Variants in METTL25 observed in about 807,000 individuals in gnomAD.
The protein encoded by METTL25 is methyltransferase like 25.
In METTL25, 64 loss-of-function variants were observed where a neutral mutation model predicts 71.6. The ratio of observed to expected loss-of-function variants is 0.89; its 90% CI spans 0.73 to 1.10. The LOEUF is 1.10. METTL25 is among the 50% of genes least tolerant of loss of function. METTL25 has a pLI of 0.00. For missense variants in METTL25, 807 were observed against 707.0 expected, an observed-to-expected ratio of 1.14 and a Z score of -1.60; for synonymous variants, 287 against 250.3, an observed-to-expected ratio of 1.15 and a Z score of -1.38.
chr12:82,431,714 T>C (rs528969891), intron 6 of METTL25, among the ~76,000 whole-genome samples: 4 of 151,744 alleles, frequency 2.6e-5, no homozygotes, highest in East Asian at 1.9e-4. Flanking sequence ...GCTCAGCTTA[T>C]GATGGGGTTA....
intron 1 of METTL25, among the ~76,000 whole-genome samples, chr12:82,370,124 G>C (rs530761055): frequency 6.6e-6 from 1 of 152,298 alleles, no homozygotes; most frequent in East Asian, 1.9e-4. Context: ...CTGCTGGATA[G>C]GGGTGAAGAA....
chr12:82,364,297 T>G (rs1043920654), intron 1 of METTL25, among the ~76,000 whole-genome samples: 1 of 152,264 alleles, frequency 6.6e-6, no homozygotes, highest in Non-Finnish European at 1.5e-5. Context: ...TTCGCATAGG[T>G]GGCCATAATA....
chr12:82,461,783 G>A (rs1891895343), intron 9 of METTL25, among the ~76,000 whole-genome samples: 1 of 152,132 alleles, frequency 6.6e-6, no homozygotes, highest in South Asian at 2.1e-4. Context: ...TTTAACTCAT[G>A]AAAGTCTGGC....
intron 1 of METTL25, among the ~76,000 whole-genome samples, chr12:82,379,852 T>C (rs1297900352): frequency 6.6e-6 from 1 of 152,180 alleles, no homozygotes; most frequent in East Asian, 1.9e-4. Context: ...TCCTTAGTCA[T>C]GCCTTCATTC....
intron 8 of METTL25, among the ~76,000 whole-genome samples, chr12:82,451,991 T>G (rs1361748564): frequency 6.6e-6 from 1 of 152,148 alleles, no homozygotes; most frequent in African/African-American, 2.4e-5. Flanking sequence ...TGACAGAAGT[T>G]TCTGTGCCCA....
chr12:82,414,908 A>G (rs1249452401), intron 5 of METTL25, among the ~76,000 whole-genome samples: 1 of 152,126 alleles, frequency 6.6e-6, no homozygotes, highest in Non-Finnish European at 1.5e-5. Context: ...ATCTGACACA[A>G]TGTGTGAAAT....
In METTL25 at chr12:82,358,822, C is replaced by G; in HGVS notation, c.257C>G (p.Ala86Gly). Reference sequence around the variant, plus strand: ...CCCCTAGTGGAAGCAGAGTGGGAAGCAGGTGGGTGGTGGGGTAGGCGGGGC... The same window carrying G: ...CCCCTAGTGGAAGCAGAGTGGGAAGGAGGTGGGTGGTGGGGTAGGCGGGGC... ...TRPLVEAEWE[A>G]GMTDFPKIFC... The change falls in exon 1 of 12, where the codon GCA (alanine) becomes GGA (glycine). Residue 86 changes from alanine to glycine, a missense_variant and splice_region_variant. Transcript: ENST00000248306. The G allele has an allele frequency of 6.2e-7, 1 of 1,609,584 alleles. No individual in the cohort carries two copies. Among genetic ancestry groups the G allele is most frequent in the Non-Finnish European group, 8.5e-7 (1 of 1,177,280 alleles).
chr12:82,402,455 T>A (rs191884031), intron 4 of METTL25, among the ~76,000 whole-genome samples: 108 of 152,242 alleles, frequency 7.1e-4, no homozygotes, highest in African/African-American at 2.6e-3. Flanking sequence ...TTTGTCTAGT[T>A]GTTAAGCAAA....
chr12:82,450,012 T>A (rs936517670), intron 8 of METTL25, among the ~76,000 whole-genome samples: 1 of 152,146 alleles, frequency 6.6e-6, no homozygotes, highest in Non-Finnish European at 1.5e-5. Context: ...TCAGTCCTCT[T>A]CTTACTTTGC....
intron 5 of METTL25, among the ~76,000 whole-genome samples, chr12:82,426,256 T>A (rs1889000687): frequency 2.6e-5 from 4 of 152,048 alleles, no homozygotes. Flanking sequence ...TTAACTCCAT[T>A]AGATAAAGAG....
At chr12:82,471,772 CAGT>C (rs1310301455) in intron 9 of METTL25, among the ~76,000 whole-genome samples, 8 of 152,132 alleles carry the variant, frequency 5.3e-5, no homozygotes, top group African/African-American at 1.9e-4. Flanking sequence ...AGTGTTTTCT[CAGT>C]AGATTTCATA....
chr12:82,470,086 A>C lies in METTL25; in HGVS notation c.1573-6558A>C, dbSNP rs190614341. On this transcript the variant is annotated intron_variant, in intron 9 of 11. Transcript: ENST00000248306. The stretch of plus-strand genomic sequence containing the variant: ...CAAAGACAATAATCACTGACAATGT[A>C]GGAAATGACTTCTATCTTGGCCACC... Among the ~76,000 whole-genome samples the C allele has an allele frequency of 9.8e-5, 15 of 152,338 alleles. No homozygotes were observed. In the East Asian group the frequency reaches 2.9e-3, roughly 29 times the overall value.
intron 1 of METTL25, among the ~76,000 whole-genome samples, chr12:82,385,903 T>C (rs943998104): frequency 2.0e-5 from 3 of 152,172 alleles, no homozygotes; most frequent in Non-Finnish European, 2.9e-5. Flanking sequence ...TCTGACACTC[T>C]TAAAACTTCT....
intron 9 of METTL25, among the ~76,000 whole-genome samples, chr12:82,458,203 C>T (rs1891627458): frequency 6.6e-6 from 1 of 152,092 alleles, no homozygotes; most frequent in African/African-American, 2.4e-5. Flanking sequence ...AACACTTACT[C>T]TGTGATAGAT....
At chr12:82,465,363 T>C (rs1408199798) in intron 9 of METTL25, among the ~76,000 whole-genome samples, 1 of 151,942 alleles carries the variant, frequency 6.6e-6, no homozygotes, top group African/African-American at 2.4e-5. Context: ...TGAGATAATA[T>C]TATAGTTTTT....
At chr12:82,438,407 A>G (rs1890075380) in intron 7 of METTL25, 2 of 200,020 alleles carry the variant, frequency 1.0e-5, no homozygotes. Flanking sequence ...TTGGTCTTGA[A>G]AGTATTTCTC....
rs1332885882 is a variant in METTL25 at position 82,401,884 on chromosome 12, T to C, written c.1132-1099T>C. 3.9e-5 allele frequency among the ~76,000 whole-genome samples: 6 copies of C among 152,184 alleles called. No homozygotes were observed. The East Asian group carries it at 7.7e-4, about 20-fold the overall frequency. On this transcript the variant is annotated intron_variant, in intron 4 of 11. Transcript: ENST00000248306. ...AAAATTGAGAGGCTACTATTAGAAA[T>C]TTTTTAGTTCCAAATGGTAAAAGTA... is the stretch of plus-strand genomic sequence containing the variant.
chr12:82,467,933 T>G (rs1892339741), intron 9 of METTL25, among the ~76,000 whole-genome samples: 2 of 152,018 alleles, frequency 1.3e-5, no homozygotes, highest in African/African-American at 4.8e-5. Context: ...AATATTTGCT[T>G]GGTGGTCTTA....
intron 5 of METTL25, among the ~76,000 whole-genome samples, chr12:82,403,967 T>G (rs1886862232): frequency 6.6e-6 from 1 of 152,184 alleles, no homozygotes; most frequent in Non-Finnish European, 1.5e-5. Context: ...TGGTATTGGT[T>G]GATCTTTTCT....
Sources: allele counts gnomAD v4.1 joint callset (sites outside exome capture counted in the v4.1 genomes callset), GRCh38; gene constraint gnomAD v4.1.1; transcripts MANE v1.5; gene names NCBI Gene and HGNC (gene_info 2026-07-23, HGNC 2026-07-21).